NLRP3: variants seen among roughly 807,000 people sequenced by gnomAD.
NLRP3 encodes the protein NACHT, LRR and PYD domains-containing protein 3.
A neutral mutation model predicts 91.3 loss-of-function variants in NLRP3; 48 were observed. That is an observed-to-expected ratio of 0.53 (90% CI 0.42 to 0.67). The LOEUF is 0.67. NLRP3 is among the 30% of genes least tolerant of loss of function. The probability of loss-of-function intolerance (pLI) is 0.00; values close to 1 mark genes in which losing one functional copy is unlikely to be tolerated. For missense variants in NLRP3, 982 were observed against 1,276.9 expected, an observed-to-expected ratio of 0.77 and a Z score of 3.52; for synonymous variants, 561 against 507.9, an observed-to-expected ratio of 1.10 and a Z score of -1.41.
At position 247,425,722 on chromosome 1, in the gene NLRP3, G is replaced by A. The variant is rs1272935349; in HGVS notation, c.2150+123G>A. The A allele has an allele frequency of 4.5e-6, 4 of 879,906 alleles. No homozygotes were observed. The highest frequency in any genetic ancestry group is 4.0e-5 in the Admixed American group (2 of 50,572). The allele number at this position is 879,906 out of a possible 1,614,324, so 54.5% of individuals were successfully genotyped here. ...ACTGTTGCCACAGCTACATCATAAT[G>A]CCACCACTGTCTGTTTGAGACTCCT... On this transcript the variant is annotated intron_variant, in intron 4 of 9. Coordinates refer to ENST00000336119, the MANE Select transcript of NLRP3 (RefSeq NM_001243133.2). The surrounding 1 kb of genome is among the most constrained non-coding windows in gnomAD (Gnocchi z 4.1).
chr1:247,425,037 A>G lies in NLRP3; in HGVS notation c.1588A>G (p.Met530Val), dbSNP rs768151734. The G allele has an allele frequency of 7.4e-6, 12 of 1,614,092 alleles. No homozygotes were observed. The Admixed American group carries it at 1.2e-4, about 16-fold the overall frequency. The change falls in exon 4 of 10, where the codon ATG becomes GTG. Residue 530 changes from methionine to valine, a missense_variant. Coordinates refer to ENST00000336119, the MANE Select transcript of NLRP3 (RefSeq NM_001243133.2). This position sits in a 1 kb window ranked among gnomAD's most constrained non-coding sequence, Gnocchi z 4.1. ...HMTFQEFFAA[M>V]YYLLEEEKEG... The stretch of plus-strand genomic sequence containing the variant: ...GACTTTCCAGGAGTTCTTTGCCGCC[A>G]TGTACTACCTGCTGGAAGAGGAAAA...
intron 7 of NLRP3, among the ~76,000 whole-genome samples, chr1:247,443,679 C>G (rs925438337): frequency 6.6e-6 from 1 of 151,882 alleles, no homozygotes; most frequent in Non-Finnish European, 1.5e-5. Flanking sequence ...CACTCCTGGC[C>G]GGAGGAAAGC....
At chr1:247,443,894 G>C in intron 7 of NLRP3, 78 bp from the exon 8 acceptor site, 6 of 1,417,494 alleles carry the variant, frequency 4.2e-6, no homozygotes, top group Non-Finnish European at 5.9e-6. Context: ...GAGAGAGGAC[G>C]AGGCACTGAG....
chr1:247,426,801 C>T (rs35433972), intron 4 of NLRP3, among the ~76,000 whole-genome samples: 4,773 of 152,120 alleles, frequency 0.031, 108 homozygotes, highest in Non-Finnish European at 0.044. Flanking sequence ...TGTTCACCAG[C>T]GGGGCACGGG....
At chr1:247,441,826 G>A (rs544060624) in intron 7 of NLRP3, among the ~76,000 whole-genome samples, 4 of 152,270 alleles carry the variant, frequency 2.6e-5, no homozygotes, top group South Asian at 4.1e-4. Context: ...AAACTGCACC[G>A]TCTGTTGCAA....
Position 247,424,242 on chromosome 1 carries a change from G to T in NLRP3, c.793G>T (p.Val265Leu). 1 of 1,614,128 alleles carries T rather than the reference G, an allele frequency of 6.2e-7. No individual in the cohort carries two copies. The highest frequency in any genetic ancestry group is 8.5e-7 in the Non-Finnish European group (1 of 1,180,030). ...TATCCACTGTCGAGAGGTGAGCCTT[G>T]TGACACAGAGGAGCCTGGGGGACCT... ...FYIHCREVSL[V>L]TQRSLGDLIM... Residue 265 changes from valine (V) to leucine (L), a missense_variant, in exon 4 of 10, where the codon GTG (valine) becomes TTG (leucine). This residue lies in a region of NLRP3 where 548 missense variants were observed against 713.7 expected (regional missense o/e 0.77). Coordinates refer to ENST00000336119, the MANE Select transcript of NLRP3 (RefSeq NM_001243133.2). The surrounding 1 kb of genome is among the most constrained non-coding windows in gnomAD (Gnocchi z 8.1).
chr1:247,444,944 G>A lies in NLRP3; in HGVS notation c.3005+123G>A, dbSNP rs762937027. 1.2e-4 allele frequency: 111 copies of A among 920,648 alleles called. 2 individuals are homozygous for A. The South Asian group carries it at 1.2e-3, about 10-fold the overall frequency. The allele number at this position is 920,648 out of a possible 1,614,324, so 57.0% of individuals were successfully genotyped here. A position where few individuals can be genotyped will look rare whatever the true frequency, so the allele number is the denominator to read the frequency against. ...GCCACTCAAGATTAGGTTGGGCCTG[G>A]GTCAGTTGTGGTGGATATTTTAAAA... On this transcript the variant is annotated intron_variant, in intron 9 of 9. Transcript: ENST00000336119.
chr1:247,426,491 A>G (rs1328550461), intron 4 of NLRP3, among the ~76,000 whole-genome samples: 2 of 152,178 alleles, frequency 1.3e-5, no homozygotes, highest in South Asian at 2.1e-4. Context: ...GATAGAAGAC[A>G]CTTGACGTGG....
In NLRP3 at chr1:247,419,021, C is replaced by T; in HGVS notation, c.221C>T (p.Ala74Val). 4 of 1,613,462 alleles carry T rather than the reference C, an allele frequency of 2.5e-6. No homozygotes were observed. Among genetic ancestry groups the T allele is most frequent in the Non-Finnish European group, 3.4e-6 (4 of 1,179,972 alleles). ...KAWAMAVWIF[A>V]AINRRDLYEK... Reference sequence around the variant, plus strand: ...TGGGCCATGGCCGTGTGGATCTTCGCTGCGATCAACAGGAGAGACCTTTAT... The same window carrying T: ...TGGGCCATGGCCGTGTGGATCTTCGTTGCGATCAACAGGAGAGACCTTTAT... The change falls in exon 2 of 10, where the codon GCT (alanine) becomes GTT (valine). Residue 74 changes from alanine to valine, a missense_variant. Ala to Val is a moderately conservative substitution (Grantham distance 64). Transcript: ENST00000336119.
intron 1 of NLRP3, among the ~76,000 whole-genome samples, chr1:247,416,408 C>G (rs72553859): frequency 0.21 from 31,896 of 152,016 alleles, 3,645 homozygotes; most frequent in East Asian, 0.3. Context: ...CGGGGGGAAG[C>G]GGGGAGGACA....
At chr1:247,427,846 C>G (rs61841183) in intron 4 of NLRP3, among the ~76,000 whole-genome samples, 1 of 10,590 alleles carries the variant, frequency 9.4e-5, no homozygotes, top group Non-Finnish European at 2.1e-4. Flanking sequence ...GGAGCCCTGG[C>G]AGGGGGCTCA....
chr1:247,443,716 G>C (rs913914973), intron 7 of NLRP3, among the ~76,000 whole-genome samples: 2 of 152,126 alleles, frequency 1.3e-5, no homozygotes. Context: ...GGAGTATGGG[G>C]TAACTGGCTC....
At chr1:247,423,444 G>A (rs1662618650) in intron 3 of NLRP3, 95 bp downstream of exon 3, 1 of 1,437,690 alleles carries the variant, frequency 7.0e-7, no homozygotes, top group Non-Finnish European at 9.8e-7. Context: ...CCATACTATA[G>A]GTTCCTGCTC....
intron 8 of NLRP3, 107 bp downstream of exon 8, chr1:247,444,249 TC>T (rs1369039517): frequency 8.5e-7 from 1 of 1,172,282 alleles, no homozygotes; most frequent in Non-Finnish European, 1.3e-6. Context: ...AAGTGAGGTG[TC>T]TTCTTAGTGT....
intron 7 of NLRP3, among the ~76,000 whole-genome samples, chr1:247,442,298 G>A (rs571363652): frequency 6.6e-5 from 10 of 152,130 alleles, no homozygotes; most frequent in African/African-American, 2.4e-4. Flanking sequence ...TTCCTGCCTC[G>A]TAGACACCAA....
At chr1:247,443,878 G>C in intron 7 of NLRP3, 94 bp from the exon 8 acceptor site, 1 of 1,237,392 alleles carries the variant, frequency 8.1e-7, no homozygotes, top group Admixed American at 1.9e-5. Context: ...GAAGGCTGCA[G>C]CTGCTGAGAG....
intron 4 of NLRP3, among the ~76,000 whole-genome samples, chr1:247,426,716 T>G (rs1392169158): frequency 1.3e-5 from 2 of 152,196 alleles, no homozygotes; most frequent in Admixed American, 1.3e-4. Flanking sequence ...CGGAAACAAG[T>G]GCAGATGTCG....
Position 247,429,721 on chromosome 1 carries a change from C to T in NLRP3, c.2287C>T (p.Leu763Phe). The T allele has an allele frequency of 1.2e-6, 2 of 1,614,134 alleles. No individual in the cohort carries two copies. Among genetic ancestry groups the T allele is most frequent in the Non-Finnish European group, 1.7e-6 (2 of 1,180,020 alleles). The change falls in exon 5 of 10, where the codon CTC becomes TTC. Residue 763 changes from leucine (L) to phenylalanine (F), a missense_variant. Transcript: ENST00000336119. ...DPGMRVLCET[L>F]QHPGCNIRRL... is the part of the protein sequence containing the mutation. Reference sequence around the variant, plus strand: ...AGGGATGAGAGTGTTGTGTGAAACGCTCCAGCATCCTGGCTGTAACATTCG... The same window carrying T: ...AGGGATGAGAGTGTTGTGTGAAACGTTCCAGCATCCTGGCTGTAACATTCG...
intron 7 of NLRP3, among the ~76,000 whole-genome samples, chr1:247,440,975 G>T (rs1462913709): frequency 6.6e-6 from 1 of 152,140 alleles, no homozygotes; most frequent in East Asian, 1.9e-4. Flanking sequence ...CCATCTTGAG[G>T]TTGTGATCAT....
Sources: allele counts gnomAD v4.1 joint callset (sites outside exome capture counted in the v4.1 genomes callset), GRCh38; gene constraint gnomAD v4.1.1; regional missense constraint gnomAD v4.1.1; non-coding constraint Gnocchi (gnomAD v3.1); transcripts MANE v1.5; gene names NCBI Gene and HGNC (gene_info 2026-07-23, HGNC 2026-07-21).